PTPRT: variants seen among roughly 807,000 people sequenced by gnomAD.
PTPRT encodes the protein receptor-type tyrosine-protein phosphatase T.
A neutral mutation model predicts 176.8 loss-of-function variants in PTPRT; 56 were observed. The observed-to-expected ratio is 0.32, with a 90% CI of 0.26 to 0.40. The LOEUF (loss-of-function observed/expected upper bound fraction) is 0.40. PTPRT is among the 10% of genes least tolerant of loss of function. PTPRT has a pLI of 1.00. For missense variants in PTPRT, 1,540 were observed against 1,908.2 expected (o/e 0.81, Z 3.60); for synonymous variants, 783 against 739.0 (o/e 1.06, Z -0.96).
intron 17 of PTPRT, among the ~76,000 whole-genome samples, chr20:42,151,674 T>C (rs900776846): frequency 6.6e-6 from 1 of 152,292 alleles, no homozygotes; most frequent in South Asian, 2.1e-4. Context: ...GTAATGGGAT[T>C]GCTGGGTCAA....
At chr20:42,753,830 C>T (rs2076795118) in intron 6 of PTPRT, among the ~76,000 whole-genome samples, 1 of 152,224 alleles carries the variant, frequency 6.6e-6, no homozygotes, top group African/African-American at 2.4e-5. Context: ...TCCCATAGCT[C>T]CCATCCTGCC....
At chr20:42,038,931 T>C in the PTPRT span, among the ~76,000 whole-genome samples, 2 of 152,140 alleles carry the variant, frequency 1.3e-5, no homozygotes, top group African/African-American at 2.4e-5. Flanking sequence ...CCCACAGATA[T>C]CTGAATGTAC....
intron 2 of PTPRT, among the ~76,000 whole-genome samples, chr20:42,858,973 G>A (rs772596155): frequency 4.0e-4 from 61 of 152,166 alleles, no homozygotes; most frequent in Non-Finnish European, 7.5e-4. Context: ...GAGCCCAGCT[G>A]AGCACCCACC....
chr20:42,491,743 C>G (rs945357753), intron 7 of PTPRT, among the ~76,000 whole-genome samples: 1 of 152,140 alleles, frequency 6.6e-6, no homozygotes, highest in Non-Finnish European at 1.5e-5. Context: ...AAATTAATGT[C>G]TATTATTTCT....
chr20:42,097,538 C>T (rs558362664), intron 27 of PTPRT, among the ~76,000 whole-genome samples: 1 of 152,312 alleles, frequency 6.6e-6, no homozygotes, highest in South Asian at 2.1e-4. Context: ...CACAGCACTT[C>T]ACTGCTGACC....
intron 24 of PTPRT, 147 bp from the exon 25 acceptor site, chr20:42,104,865 AG>A: frequency 2.3e-6 from 2 of 864,462 alleles, no homozygotes; most frequent in Non-Finnish European, 3.3e-6. Context: ...TGTAACCCAA[AG>A]GGCCAAATTT....
At chr20:42,126,944 C>A (rs757532751) in intron 19 of PTPRT, among the ~76,000 whole-genome samples, 8 of 152,112 alleles carry the variant, frequency 5.3e-5, no homozygotes, top group Non-Finnish European at 8.8e-5. Context: ...TCATCTTCAA[C>A]TCCACTGAAG....
intron 7 of PTPRT, among the ~76,000 whole-genome samples, chr20:42,519,610 T>C (rs1976904161): frequency 6.6e-6 from 1 of 152,094 alleles, no homozygotes; most frequent in South Asian, 2.1e-4. Flanking sequence ...ATTTCTTCTG[T>C]CTTTCCAGAT....
chr20:42,348,396 T>TTATTTATG (rs1197205204), intron 11 of PTPRT, among the ~76,000 whole-genome samples: 5 of 151,832 alleles, frequency 3.3e-5, no homozygotes, highest in South Asian at 2.1e-4. Context: ...ATTTATTTAT[T>TTATTTATG]TATTTATTTT....
chr20:42,134,693 T>C (rs1486869339), intron 18 of PTPRT, among the ~76,000 whole-genome samples: 2 of 152,170 alleles, frequency 1.3e-5, no homozygotes, highest in Non-Finnish European at 2.9e-5. Flanking sequence ...TCTGCTGATT[T>C]CTGTGGTGTA....
At chr20:42,496,640 CT>C (rs537023943) in intron 7 of PTPRT, among the ~76,000 whole-genome samples, 8,050 of 142,096 alleles carry the variant, frequency 0.057, 435 homozygotes, top group African/African-American at 0.16. Flanking sequence ...CTTTCACCAC[CT>C]TTTTTTTTTT....
intron 9 of PTPRT, among the ~76,000 whole-genome samples, chr20:42,386,202 G>C (rs1324359467): frequency 1.3e-5 from 2 of 152,184 alleles, no homozygotes; most frequent in Admixed American, 1.3e-4. Context: ...AAGAGAAATG[G>C]GGCTGGAGAG....
chr20:42,161,841 G>A (rs1225894070), intron 16 of PTPRT, among the ~76,000 whole-genome samples: 1 of 152,090 alleles, frequency 6.6e-6, no homozygotes, highest in Non-Finnish European at 1.5e-5. Context: ...GACTTTGTTG[G>A]GCAGAACCAC....
intron 1 of PTPRT, among the ~76,000 whole-genome samples, chr20:43,040,680 C>T (rs1986569597): frequency 2.0e-5 from 3 of 152,258 alleles, no homozygotes; most frequent in Admixed American, 2.0e-4. Flanking sequence ...GAGGAAGCGC[C>T]GGTTTGTCTC....
intron 8 of PTPRT, among the ~76,000 whole-genome samples, chr20:42,457,040 A>C (rs190989268): frequency 6.9e-4 from 105 of 152,356 alleles, no homozygotes; most frequent in Non-Finnish European, 1.2e-3. Context: ...ATAGTTTGCC[A>C]TATCACCTAA....
At position 42,165,194 on chromosome 20, in the gene PTPRT, A is replaced by G. The variant is rs528024535; in HGVS notation, c.2492-3652T>C. On this transcript the variant is annotated intron_variant, in intron 16 of 30. Transcript: ENST00000373187. The stretch of plus-strand genomic sequence containing the variant: ...GCTGCCCACCCTTATCCCCTGCCCC[A>G]CTGCTACCAGCCATATAGATCTCCC... Among the ~76,000 whole-genome samples the G allele has an allele frequency of 5.8e-4, 88 of 152,138 alleles. 2 individuals are homozygous for G. The highest frequency in any genetic ancestry group is 5.2e-3 in the South Asian group (25 of 4,822).
At chr20:42,986,135 G>A (rs552180397) in intron 1 of PTPRT, among the ~76,000 whole-genome samples, 1 of 152,326 alleles carries the variant, frequency 6.6e-6, no homozygotes, top group African/African-American at 2.4e-5. Flanking sequence ...ACTAATCCTT[G>A]ACATTAATAT....
At chr20:42,987,426 G>A (rs991351916) in intron 1 of PTPRT, among the ~76,000 whole-genome samples, 4 of 152,170 alleles carry the variant, frequency 2.6e-5, no homozygotes, top group African/African-American at 4.8e-5. Flanking sequence ...TGCCCTCAAG[G>A]CAGAAAGTCC....
chr20:42,528,673 G>A (rs777379701), intron 7 of PTPRT, among the ~76,000 whole-genome samples: 30 of 152,032 alleles, frequency 2.0e-4, no homozygotes, highest in East Asian at 1.4e-3. Context: ...TAGTCCTTAC[G>A]ACAATTAAGG....
Sources: gnomAD v4.1 joint callset for allele counts (sites outside exome capture counted in the v4.1 genomes callset) on GRCh38, gnomAD v4.1.1 for gene constraint, MANE v1.5 for transcripts, NCBI Gene and HGNC (gene_info 2026-07-23, HGNC 2026-07-21) for gene names.